The following FGF14 variants were observed in gnomAD, a reference collection of about 807,000 sequenced individuals.
The protein encoded by FGF14 is fibroblast growth factor 14, also known as fibroblast growth factor homologous factor 4.
Under a neutral mutation model 25.5 loss-of-function variants are expected in FGF14, and 5 were observed. The ratio of observed to expected loss-of-function variants is 0.20; its 90% confidence interval spans 0.10 to 0.41. The LOEUF (loss-of-function observed/expected upper bound fraction) is 0.41, where lower values mean the gene tolerates loss of function less well. FGF14 is among the 10% of genes least tolerant of loss of function. The pLI, the probability that FGF14 is intolerant of heterozygous loss-of-function variation, is 1.00. For synonymous variants in FGF14, 138 were observed against 118.3 expected (o/e 1.17, Z -1.08); for missense variants, 222 against 320.1 (o/e 0.69, Z 2.34).
chr13:101,724,272 C>T (rs1054728190), intron 4 of FGF14, among the ~76,000 whole-genome samples: 36 of 151,848 alleles, frequency 2.4e-4, no homozygotes, highest in African/African-American at 8.7e-4. Flanking sequence ...ACTATGCAGC[C>T]ATAAAAAATG....
chr13:102,242,999 G>A (rs2051679079), intron 1 of FGF14, among the ~76,000 whole-genome samples: 1 of 152,104 alleles, frequency 6.6e-6, no homozygotes, highest in South Asian at 2.1e-4. Context: ...AGTAAAAACA[G>A]TGTGTTCTAC....
At chr13:102,269,867 T>C (rs2053162939) in intron 1 of FGF14, among the ~76,000 whole-genome samples, 1 of 152,046 alleles carries the variant, frequency 6.6e-6, no homozygotes, top group Non-Finnish European at 1.5e-5. Context: ...AACTAGTGCA[T>C]AGATACCATC....
intron 3 of FGF14, among the ~76,000 whole-genome samples, chr13:101,801,397 G>A (rs2040861574): frequency 6.6e-6 from 1 of 151,988 alleles, no homozygotes; most frequent in South Asian, 2.1e-4. Flanking sequence ...TTGGGCTTTG[G>A]AGTATCAAGT....
intron 3 of FGF14, among the ~76,000 whole-genome samples, chr13:101,766,173 T>A (rs9518522): frequency 6.6e-6 from 1 of 152,064 alleles, no homozygotes; most frequent in East Asian, 1.9e-4. Flanking sequence ...ATGATATCAT[T>A]CAGGTGCAAG....
At chr13:102,249,145 A>G (rs2052034227) in intron 1 of FGF14, among the ~76,000 whole-genome samples, 1 of 152,120 alleles carries the variant, frequency 6.6e-6, no homozygotes, top group Non-Finnish European at 1.5e-5. Context: ...GAAGATGAAG[A>G]TTTAAGAGCA....
intron 1 of FGF14, among the ~76,000 whole-genome samples, chr13:102,348,958 C>T (rs950201680): frequency 3.3e-5 from 5 of 152,166 alleles, no homozygotes; most frequent in African/African-American, 1.2e-4. Context: ...CAGTGCTGCC[C>T]TCTGGTTTTA....
intron 1 of FGF14, among the ~76,000 whole-genome samples, chr13:101,956,482 G>A (rs776426064): frequency 6.6e-5 from 10 of 152,184 alleles, no homozygotes; most frequent in African/African-American, 2.2e-4. Flanking sequence ...GGAATGTATC[G>A]GGAGACTGGT....
chr13:102,170,211 G>C (rs2048190019), intron 1 of FGF14, among the ~76,000 whole-genome samples: 1 of 150,496 alleles, frequency 6.6e-6, no homozygotes, highest in South Asian at 2.2e-4. Flanking sequence ...GAGGAGGTAA[G>C]GGTATTTAGA....
rs75145847 is a variant in FGF14, at chr13:101,970,231, A to G, written c.209-94935T>C. ...CCTTGTATGCAGATCTTTGAACTCA[A>G]AGCCTATTTTTATCTTCAGTACAAC... On this transcript the variant is annotated intron_variant, in intron 1 of 4. Coordinates refer to the FGF14 transcript ENST00000376131. Among the ~76,000 whole-genome samples, 37 of 151,938 alleles carry G rather than the reference A, an allele frequency of 2.4e-4. 1 individual carries two copies. In the East Asian group the frequency reaches 7.1e-3, roughly 29 times the overall value.
intron 3 of FGF14, among the ~76,000 whole-genome samples, chr13:101,791,420 C>T (rs1161941079): frequency 6.6e-6 from 1 of 152,116 alleles, no homozygotes; most frequent in Non-Finnish European, 1.5e-5. Flanking sequence ...GAAGTCTCAC[C>T]TTATTTCCTC....
intron 1 of FGF14, among the ~76,000 whole-genome samples, chr13:102,277,364 C>T (rs1396079577): frequency 1.3e-5 from 2 of 150,276 alleles, no homozygotes; most frequent in Admixed American, 6.6e-5. Context: ...AGAGAATGTC[C>T]CCCTCTCAGC....
At chr13:102,054,515 A>C (rs2042347800) in intron 1 of FGF14, among the ~76,000 whole-genome samples, 1 of 152,086 alleles carries the variant, frequency 6.6e-6, no homozygotes, top group South Asian at 2.1e-4. Context: ...CGTTTTCTTA[A>C]CCTCTTCTCA....
chr13:102,191,582 C>T (rs1283507288), intron 1 of FGF14, among the ~76,000 whole-genome samples: 8 of 152,122 alleles, frequency 5.3e-5, no homozygotes, highest in Non-Finnish European at 1.2e-4. Flanking sequence ...TGAATATCAT[C>T]ATATTAACAT....
chr13:101,746,838 C>T (rs2036925119), intron 3 of FGF14, among the ~76,000 whole-genome samples: 1 of 152,004 alleles, frequency 6.6e-6, no homozygotes, highest in Non-Finnish European at 1.5e-5. Context: ...TATCATAACG[C>T]ATTCTCTAGC....
chr13:101,801,911 A>G (rs551901776), intron 3 of FGF14: 2 of 427,114 alleles, frequency 4.7e-6, no homozygotes, highest in South Asian at 1.9e-5. Context: ...ACCAAAGGGT[A>G]AGATGTCTGC....
intron 1 of FGF14, among the ~76,000 whole-genome samples, chr13:102,177,195 A>T (rs1170965791): frequency 1.3e-5 from 2 of 152,184 alleles, no homozygotes; most frequent in African/African-American, 4.8e-5. Flanking sequence ...CAGTAACTAA[A>T]CAACTATTAA....
chr13:102,342,236 G>A (rs536098912), intron 1 of FGF14, among the ~76,000 whole-genome samples: 1 of 152,134 alleles, frequency 6.6e-6, no homozygotes, highest in Non-Finnish European at 1.5e-5. Flanking sequence ...AAAGTAAGCG[G>A]TGGCATAACT....
At chr13:102,219,214 TG>T (rs2050504030) in intron 1 of FGF14, among the ~76,000 whole-genome samples, 2 of 152,232 alleles carry the variant, frequency 1.3e-5, no homozygotes, top group Non-Finnish European at 2.9e-5. Context: ...GCAGCTACAC[TG>T]GTTGGATAAA....
chr13:101,753,485 A>T (rs2037436473), intron 3 of FGF14, among the ~76,000 whole-genome samples: 1 of 152,056 alleles, frequency 6.6e-6, no homozygotes, highest in South Asian at 2.1e-4. Context: ...TGAAAATGTA[A>T]TTTAAACCAA....
Sources: gnomAD v4.1 joint callset for allele counts (sites outside exome capture counted in the v4.1 genomes callset) on GRCh38, gnomAD v4.1.1 for gene constraint, MANE v1.5 for transcripts, NCBI Gene and HGNC (gene_info 2026-07-23, HGNC 2026-07-21) for gene names.